ARAP2: variants seen among roughly 807,000 people sequenced by gnomAD.
ARAP2 encodes ArfGAP with RhoGAP domain, ankyrin repeat and PH domain 2, also known as arf-GAP with Rho-GAP domain, ANK repeat and PH domain-containing protein 2.
In ARAP2, 148 loss-of-function variants were observed where a neutral mutation model predicts 194.5. That is an observed-to-expected ratio of 0.76 (90% CI 0.67 to 0.87). The LOEUF (loss-of-function observed/expected upper bound fraction) is 0.87, where lower values mean the gene tolerates loss of function less well. Ranked by LOEUF, ARAP2 falls within the 40% of genes least tolerant of loss-of-function variation. The pLI is 0.00. For synonymous variants in ARAP2, 695 were observed against 683.5 expected (o/e 1.02, Z -0.26); for missense variants, 2,128 against 1,989.7 (o/e 1.07, Z -1.32).
chr4:36,099,195 C>T (rs1435624938), intron 27 of ARAP2, among the ~76,000 whole-genome samples: 1 of 152,086 alleles, frequency 6.6e-6, no homozygotes, highest in Non-Finnish European at 1.5e-5. Context: ...AGGATAACAA[C>T]TTCCAGCTCC....
Position 36,010,659 on chromosome 4 carries a change from C to G in ARAP2, n.1325+1904G>C, listed in dbSNP as rs1395160196. Among the ~76,000 whole-genome samples the G allele has an allele frequency of 2.0e-5, 3 of 152,042 alleles. No homozygotes were observed. The East Asian group carries it at 5.8e-4, about 29-fold the overall frequency. ...GAGGGACCTAAGTCTTTTTTCAAAC[C>G]AAATGACCTAATGAATCCTCTTGCC... On this transcript the variant is annotated intron_variant and non_coding_transcript_variant, in intron 9 of 12. Coordinates refer to the ARAP2 transcript ENST00000503225.
rs113791181 is a variant in ARAP2, at chr4:36,164,885, T to A, written c.2173+29A>T. 130 of 1,605,484 alleles carry A rather than the reference T, an allele frequency of 8.1e-5. 2 individuals carry two copies. The African/African-American group carries it at 1.2e-3, about 14-fold the overall frequency. On this transcript the variant is annotated intron_variant, in intron 11 of 32. Coordinates refer to ENST00000303965, the MANE Select transcript of ARAP2 (RefSeq NM_015230.4). ...ATTCAATGCCAATCTGCCACAAAGC[T>A]GTGATGAGCATAACTTGTCACTAAT...
At chr4:36,215,420 T>C (rs1183900275) in intron 2 of ARAP2, among the ~76,000 whole-genome samples, 3 of 152,198 alleles carry the variant, frequency 2.0e-5, no homozygotes, top group Non-Finnish European at 4.4e-5. Context: ...TTTTGCTTCA[T>C]ATCATGCACA....
chr4:36,076,750 C>G (rs1003940201), intron 31 of ARAP2, among the ~76,000 whole-genome samples: 6 of 152,018 alleles, frequency 3.9e-5, no homozygotes, highest in Non-Finnish European at 8.8e-5. Context: ...AGCCCCAAAC[C>G]TGTGCCTGAG....
At chr4:36,076,051 C>T (rs956581694) in intron 31 of ARAP2, among the ~76,000 whole-genome samples, 4 of 152,172 alleles carry the variant, frequency 2.6e-5, no homozygotes, top group Admixed American at 2.0e-4. Flanking sequence ...ATACTCCCAT[C>T]ATGAAATGTA....
intron 6 of ARAP2, among the ~76,000 whole-genome samples, chr4:36,205,832 T>A (rs1054766077): frequency 6.6e-6 from 1 of 152,210 alleles, no homozygotes; most frequent in Non-Finnish European, 1.5e-5. Context: ...AACCAGGTAA[T>A]TTTATGGAGA....
At position 36,040,315 on chromosome 4, in the gene ARAP2, C is replaced by T. The variant is rs150721471; in HGVS notation, n.607+5664G>A. ...ATGTGGACACAAAACACATACGATG[C>T]CCATATATATGAAGTAATACTAACT... On this transcript the variant is annotated intron_variant and non_coding_transcript_variant, in intron 5 of 12. Transcript: ENST00000503225. Among the ~76,000 whole-genome samples the T allele has an allele frequency of 8.5e-5, 13 of 152,138 alleles. No individual in the cohort carries two copies. In the East Asian group the frequency reaches 1.2e-3, roughly 14 times the overall value.
chr4:36,028,570 TTTTC>T (rs1206047693), intron 5 of ARAP2, among the ~76,000 whole-genome samples: 1 of 151,834 alleles, frequency 6.6e-6, no homozygotes, highest in Non-Finnish European at 1.5e-5. Flanking sequence ...TACTTTTTCA[TTTTC>T]TTTCTTTACT....
intron 27 of ARAP2, among the ~76,000 whole-genome samples, chr4:36,107,328 AT>A (rs1390609587): frequency 3.3e-5 from 5 of 152,016 alleles, no homozygotes; most frequent in African/African-American, 1.2e-4. Context: ...ACAAACTATT[AT>A]TTCCAAAAAC....
Position 36,066,556 on chromosome 4 carries a change from T to G in ARAP2, c.*1351A>C, listed in dbSNP as rs985976629. 8.8e-5 allele frequency: 13 copies of G among 147,684 alleles called. No homozygotes were observed. Among genetic ancestry groups the G allele is most frequent in the African/African-American group, 3.3e-4 (13 of 39,862 alleles). 9.1% of individuals were successfully genotyped at this position (147,684 alleles called of 1,614,324 possible). On this transcript the variant is annotated 3_prime_UTR_variant, in exon 33 of 33. Coordinates refer to ENST00000303965, the MANE Select transcript of ARAP2 (RefSeq NM_015230.4). ...GGGCCTGTGAATATAGATTGAAAAA[T>G]AAAAAAGAAATGCTAAAAAAAAAAA...
intron 19 of ARAP2, among the ~76,000 whole-genome samples, chr4:36,146,897 A>C (rs1195853659): frequency 1.3e-5 from 2 of 152,072 alleles, no homozygotes; most frequent in Non-Finnish European, 2.9e-5. Context: ...AACTGAATAA[A>C]TTCAAGAAAT....
intron 2 of ARAP2, among the ~76,000 whole-genome samples, chr4:36,215,565 C>G (rs1159803854): frequency 6.6e-6 from 1 of 152,060 alleles, no homozygotes; most frequent in Non-Finnish European, 1.5e-5. Flanking sequence ...AACTAAAACC[C>G]TAAAAAACAT....
At chr4:36,017,727 G>A (rs1458349309) in intron 6 of ARAP2, among the ~76,000 whole-genome samples, 2 of 152,090 alleles carry the variant, frequency 1.3e-5, no homozygotes, top group African/African-American at 4.8e-5. Context: ...AGATGTCAGA[G>A]AGTGGTAAGG....
intron 1 of ARAP2, among the ~76,000 whole-genome samples, chr4:36,229,902 AC>A (rs1423141709): frequency 1.3e-5 from 2 of 152,228 alleles, no homozygotes; most frequent in Non-Finnish European, 2.9e-5. Flanking sequence ...TACTGAATGA[AC>A]ATATATCAAA....
chr4:36,092,823 G>A (rs1286865658), intron 27 of ARAP2, among the ~76,000 whole-genome samples: 1 of 151,976 alleles, frequency 6.6e-6, no homozygotes, highest in Non-Finnish European at 1.5e-5. Context: ...TATAAACAAT[G>A]CAAATGCGCA....
At chr4:36,180,381 T>G (rs1738957843) in intron 8 of ARAP2, among the ~76,000 whole-genome samples, 2 of 152,192 alleles carry the variant, frequency 1.3e-5, no homozygotes, top group Admixed American at 6.5e-5. Context: ...CAAAAGACAT[T>G]AAAATATTCA....
At position 36,009,882 on chromosome 4, in the gene ARAP2, G is replaced by GGT. The variant is rs1714101658; in HGVS notation, n.1325+2680_1325+2681insAC. Among the ~76,000 whole-genome samples, 2 of 142,834 alleles carry GGT rather than the reference G, an allele frequency of 1.4e-5. 1 individual carries two copies. Among genetic ancestry groups the GGT allele is most frequent in the Non-Finnish European group, 3.1e-5 (2 of 65,394 alleles). 93.7% of individuals were successfully genotyped at this position (142,834 alleles called of 152,430 possible). On this transcript the variant is annotated intron_variant and non_coding_transcript_variant, in intron 9 of 12. Transcript: ENST00000503225. Reference sequence around the variant, plus strand: ...ATTCAGAAGCTCCTTGTTTTTTTTGGCGGGGGGTAGGGGGGTGGAATCATC... The same window carrying GGT: ...ATTCAGAAGCTCCTTGTTTTTTTTGGGTCGGGGGGTAGGGGGGTGGAATCATC...
intron 15 of ARAP2, among the ~76,000 whole-genome samples, chr4:36,151,508 A>G (rs1730963034): frequency 6.6e-6 from 1 of 152,160 alleles, no homozygotes; most frequent in Non-Finnish European, 1.5e-5. Flanking sequence ...GCACATTACC[A>G]CCTGCAGGCT....
intron 5 of ARAP2, among the ~76,000 whole-genome samples, chr4:36,028,102 G>A (rs1297014460): frequency 3.9e-5 from 6 of 152,116 alleles, no homozygotes; most frequent in Non-Finnish European, 1.5e-5. Flanking sequence ...TGTTTTGAAT[G>A]TGGTACAGAA....
Sources: allele counts gnomAD v4.1 joint callset (sites outside exome capture counted in the v4.1 genomes callset), GRCh38; gene constraint gnomAD v4.1.1; transcripts MANE v1.5; gene names NCBI Gene and HGNC (gene_info 2026-07-23, HGNC 2026-07-21).